Variants in RIT2 observed in about 807,000 individuals in gnomAD.
The protein encoded by RIT2 is GTP-binding protein Rit2.
RIT2 carries 24 observed loss-of-function variants against 23.7 expected under a neutral mutation model. That is an observed-to-expected ratio of 1.01 (90% confidence interval 0.73 to 1.43). The LOEUF is 1.43. Among genes scored for constraint, RIT2 ranks in the 40% most tolerant of loss-of-function variants. RIT2 has a pLI of 0.00. For missense variants in RIT2, 236 were observed against 266.9 expected (o/e 0.88, Z 0.81); for synonymous variants, 107 against 91.1 (o/e 1.17, Z -0.99).
intron 4 of RIT2, among the ~76,000 whole-genome samples, chr18:42,856,767 A>G (rs567679759): frequency 3.4e-4 from 52 of 151,396 alleles, no homozygotes; most frequent in Non-Finnish European, 6.3e-4. Context: ...AATTTTTCCC[A>G]TCTTTCCCAA....
chr18:42,952,552 A>G (rs968619547), intron 3 of RIT2, among the ~76,000 whole-genome samples: 3 of 152,072 alleles, frequency 2.0e-5, no homozygotes, highest in African/African-American at 7.2e-5. Context: ...ATCTGCCCCA[A>G]AAAAAGAGCG....
In RIT2 at chr18:42,883,234, A is replaced by T. The variant is rs1453364972; in HGVS notation, c.426+40338T>A. On this transcript the variant is annotated intron_variant, in intron 4 of 4. Coordinates refer to ENST00000326695, the MANE Select transcript of RIT2 (RefSeq NM_002930.4). ...TAAAATTCTAAATGCTGCACAAAAC[A>T]CTACTAAGGCTAAGTTAGTTTTGTT... Among the ~76,000 whole-genome samples the T allele has an allele frequency of 2.6e-5, 4 of 152,236 alleles. No individual in the cohort carries two copies. In the East Asian group the frequency reaches 7.7e-4, roughly 29 times the overall value.
In RIT2 at chr18:42,912,070, A is replaced by G. The variant is rs1908783470; in HGVS notation, c.426+11502T>C. Among the ~76,000 whole-genome samples the G allele has an allele frequency of 4.0e-5, 6 of 151,848 alleles. No homozygotes were observed. The South Asian group carries it at 1.2e-3, about 31-fold the overall frequency. ...TTATCAAAATATTATAGAAAAATATATATGTATAATAATGCACTATGATAA... is the reference window on the plus strand; with the variant it reads ...TTATCAAAATATTATAGAAAAATATGTATGTATAATAATGCACTATGATAA... On this transcript the variant is annotated intron_variant, in intron 4 of 4. Coordinates refer to ENST00000326695, the MANE Select transcript of RIT2 (RefSeq NM_002930.4).
intron 4 of RIT2, among the ~76,000 whole-genome samples, chr18:42,818,445 G>A (rs1332635625): frequency 6.6e-6 from 1 of 152,064 alleles, no homozygotes; most frequent in Admixed American, 6.6e-5. Context: ...ATGATAGACT[G>A]TACAGTGCTA....
chr18:43,086,692 C>G lies in RIT2; in HGVS notation c.103+28725G>C, dbSNP rs528661084. ...CCCGTGACCAGTGAAATAAAGCATG[C>G]AAAGGGAGCCACAGAAAGGGCTATG... On this transcript the variant is annotated intron_variant, in intron 1 of 4. Coordinates refer to ENST00000326695, the MANE Select transcript of RIT2 (RefSeq NM_002930.4). Among the ~76,000 whole-genome samples, 5 of 152,182 alleles carry G rather than the reference C, an allele frequency of 3.3e-5. No homozygotes were observed. In the South Asian group the frequency reaches 8.3e-4, roughly 25 times the overall value.
At chr18:42,831,285 T>C (rs1230770091) in intron 4 of RIT2, among the ~76,000 whole-genome samples, 1 of 152,224 alleles carries the variant, frequency 6.6e-6, no homozygotes, top group African/African-American at 2.4e-5. Context: ...ACTTGTTTTC[T>C]CATAAAGATA....
intron 4 of RIT2, among the ~76,000 whole-genome samples, chr18:42,871,006 A>C (rs1173525633): frequency 1.3e-5 from 2 of 152,190 alleles, no homozygotes. Context: ...TGTGGACTGC[A>C]AAGCTATCAA....
intron 3 of RIT2, among the ~76,000 whole-genome samples, chr18:42,927,573 C>T (rs1185099810): frequency 6.6e-6 from 1 of 151,802 alleles, no homozygotes; most frequent in Non-Finnish European, 1.5e-5. Context: ...ATTAAAGATC[C>T]CTATACTTTC....
At chr18:42,782,757 C>T (rs758191894) in intron 4 of RIT2, among the ~76,000 whole-genome samples, 2 of 152,070 alleles carry the variant, frequency 1.3e-5, no homozygotes, top group Non-Finnish European at 2.9e-5. Context: ...CTTAATGTGG[C>T]CTAGAATCCC....
intron 1 of RIT2, among the ~76,000 whole-genome samples, chr18:43,046,369 C>G (rs951749929): frequency 7.9e-5 from 12 of 152,318 alleles, no homozygotes; most frequent in Admixed American, 7.8e-4. Context: ...TGTTGGTCCA[C>G]TAGGCTGGAT....
rs909036306 is a variant in RIT2, at chr18:42,889,985, T to C, written c.426+33587A>G. On this transcript the variant is annotated intron_variant, in intron 4 of 4. Coordinates refer to ENST00000326695, the MANE Select transcript of RIT2 (RefSeq NM_002930.4). Reference sequence around the variant, plus strand: ...ATTAAAGAGATAAAACCCCTTCCCATCTCCTCCAAATGTTCAGCCTCTGAG... The same window carrying C: ...ATTAAAGAGATAAAACCCCTTCCCACCTCCTCCAAATGTTCAGCCTCTGAG... Among the ~76,000 whole-genome samples, 5 of 152,030 alleles carry C rather than the reference T, an allele frequency of 3.3e-5. No individual in the cohort carries two copies. The East Asian group carries it at 9.6e-4, about 29-fold the overall frequency.
intron 3 of RIT2, among the ~76,000 whole-genome samples, chr18:42,953,011 G>A (rs895011472): frequency 2.7e-5 from 4 of 149,852 alleles, no homozygotes; most frequent in South Asian, 2.1e-4. Flanking sequence ...AATAAATCAC[G>A]TTGTTTTTCA....
intron 2 of RIT2, among the ~76,000 whole-genome samples, chr18:43,015,448 G>A (rs1911451641): frequency 6.6e-6 from 1 of 151,682 alleles, no homozygotes; most frequent in Non-Finnish European, 1.5e-5. Context: ...AACTAGAAAT[G>A]TCAAGTAGGT....
intron 2 of RIT2, among the ~76,000 whole-genome samples, chr18:43,024,707 A>AAACAACAACAACAACAAC (rs141467663): frequency 6.7e-6 from 1 of 150,214 alleles, no homozygotes; most frequent in East Asian, 2.0e-4. Context: ...GAACTCAAAC[A>AAACAACAACAACAACAAC]AACAACAACA....
chr18:43,056,898 C>T (rs1477584592), intron 1 of RIT2, among the ~76,000 whole-genome samples: 1 of 152,084 alleles, frequency 6.6e-6, no homozygotes. Flanking sequence ...CTTCCTTACT[C>T]TTGCCCCTGA....
At chr18:42,834,448 A>G (rs1906543888) in intron 4 of RIT2, among the ~76,000 whole-genome samples, 1 of 152,186 alleles carries the variant, frequency 6.6e-6, no homozygotes, top group African/African-American at 2.4e-5. Context: ...AGTTTGATCT[A>G]CATTAATTAT....
At chr18:43,114,954 G>T (rs549855950) in intron 1 of RIT2, among the ~76,000 whole-genome samples, 20 of 152,204 alleles carry the variant, frequency 1.3e-4, no homozygotes, top group African/African-American at 4.1e-4. Flanking sequence ...TGAGGAAAAA[G>T]AACCTCCTAA....
intron 4 of RIT2, 133 bp from the exon 5 acceptor site, chr18:42,743,853 G>T: frequency 1.5e-6 from 1 of 649,572 alleles, no homozygotes; most frequent in Non-Finnish European, 2.6e-6. Flanking sequence ...TGACTTGCAG[G>T]TATACGCCCA....
At chr18:42,808,103 T>C (rs1568001353) in intron 4 of RIT2, among the ~76,000 whole-genome samples, 2 of 152,184 alleles carry the variant, frequency 1.3e-5, no homozygotes, top group Non-Finnish European at 2.9e-5. Context: ...CCTGGAAGAC[T>C]TAGCATGGCA....
Sources: gnomAD v4.1 joint callset for allele counts (sites outside exome capture counted in the v4.1 genomes callset) on GRCh38, gnomAD v4.1.1 for gene constraint, MANE v1.5 for transcripts, NCBI Gene and HGNC (gene_info 2026-07-23, HGNC 2026-07-21) for gene names.